Variants in PTGER3 observed in about 807,000 individuals in gnomAD.
PTGER3 encodes prostaglandin E2 receptor EP3 subtype.
Under a neutral mutation model 34.7 loss-of-function variants are expected in PTGER3, and 22 were observed. The observed-to-expected ratio is 0.63, with a 90% CI of 0.45 to 0.91. The LOEUF is 0.91. Among genes scored for constraint, PTGER3 ranks in the 40% least tolerant of loss-of-function variants. The pLI is 0.00. For synonymous variants in PTGER3, 241 were observed against 230.1 expected (o/e 1.05, Z -0.43); for missense variants, 468 against 519.4 (o/e 0.90, Z 0.96).
chr1:70,957,801 T>C (rs1301392087), intron 2 of PTGER3, among the ~76,000 whole-genome samples: 1 of 152,196 alleles, frequency 6.6e-6, no homozygotes, highest in Non-Finnish European at 1.5e-5. Flanking sequence ...TTATTCTTCC[T>C]GTATAATTTA....
chr1:70,942,958 C>T (rs953034898), intron 4 of PTGER3, among the ~76,000 whole-genome samples: 1 of 152,130 alleles, frequency 6.6e-6, no homozygotes, highest in African/African-American at 2.4e-5. Flanking sequence ...ATATACATTT[C>T]GATTAAGTCA....
chr1:70,901,686 T>C (rs1446858250), intron 4 of PTGER3, among the ~76,000 whole-genome samples: 2 of 152,130 alleles, frequency 1.3e-5, no homozygotes, highest in Non-Finnish European at 1.5e-5. Context: ...CTGAGACAGG[T>C]GTTCGCTTCA....
intron 2 of PTGER3, among the ~76,000 whole-genome samples, chr1:70,964,368 A>G (rs1652284997): frequency 2.0e-5 from 3 of 152,350 alleles, no homozygotes; most frequent in East Asian, 1.9e-4. Flanking sequence ...TGCTGCCAAC[A>G]AAAACATAGC....
downstream of PTGER3, among the ~76,000 whole-genome samples, chr1:70,948,767 A>G (rs146102613): frequency 2.5e-4 from 38 of 152,326 alleles, 1 homozygote; most frequent in African/African-American, 8.2e-4. Context: ...AAGAAAAATG[A>G]CAAGAGTCAT....
At chr1:71,040,481 T>C (rs529086144) in intron 1 of PTGER3, among the ~76,000 whole-genome samples, 4 of 151,814 alleles carry the variant, frequency 2.6e-5, no homozygotes, top group African/African-American at 7.2e-5. Flanking sequence ...TGGTGGTGCA[T>C]GCCTGTAACC....
At chr1:70,859,120 A>G (rs1463992532) in intron 4 of PTGER3, among the ~76,000 whole-genome samples, 1 of 152,126 alleles carries the variant, frequency 6.6e-6, no homozygotes, top group Non-Finnish European at 1.5e-5. Flanking sequence ...GCTGCTTCTC[A>G]CTGTCCCCCA....
chr1:70,910,580 G>T (rs1050358997), intron 4 of PTGER3, among the ~76,000 whole-genome samples: 1 of 152,018 alleles, frequency 6.6e-6, no homozygotes, highest in Admixed American at 6.6e-5. Context: ...AGCTTTGAAT[G>T]AATACCTTAA....
chr1:70,880,994 T>TA (rs1646380172), intron 4 of PTGER3, among the ~76,000 whole-genome samples: 1 of 152,230 alleles, frequency 6.6e-6, no homozygotes, highest in Non-Finnish European at 1.5e-5. Flanking sequence ...TAACCTCAAA[T>TA]ATGTTTTCCA....
intron 2 of PTGER3, among the ~76,000 whole-genome samples, chr1:70,996,123 T>G (rs1240392425): frequency 1.3e-5 from 2 of 152,194 alleles, no homozygotes; most frequent in Non-Finnish European, 2.9e-5. Context: ...CCTTGGAGTT[T>G]ACAGTGGCAC....
intron 2 of PTGER3, among the ~76,000 whole-genome samples, chr1:70,959,742 T>A (rs2100622746): frequency 6.6e-6 from 1 of 152,256 alleles, no homozygotes; most frequent in Middle Eastern, 3.4e-3. Flanking sequence ...TTTTATTCAA[T>A]TTTTTAAACA....
At chr1:71,024,715 T>G (rs1425872079) in intron 1 of PTGER3, among the ~76,000 whole-genome samples, 4 of 144,838 alleles carry the variant, frequency 2.8e-5, no homozygotes, top group African/African-American at 1.0e-4. Context: ...CCACCGTGCA[T>G]AGCTAATTTT....
intron 4 of PTGER3, among the ~76,000 whole-genome samples, chr1:70,896,443 TAA>T (rs1038948045): frequency 6.6e-6 from 1 of 152,054 alleles, no homozygotes; most frequent in African/African-American, 2.4e-5. Flanking sequence ...TACCAGAAGC[TAA>T]GAGAAGCATT....
At chr1:70,948,440 C>T (rs1467202750), downstream of PTGER3, among the ~76,000 whole-genome samples, 6 of 152,078 alleles carry the variant, frequency 3.9e-5, no homozygotes, top group East Asian at 9.6e-4. Flanking sequence ...TTCCCCAGCT[C>T]TGTGGAACTG....
chr1:70,899,203 TG>T (rs1244291812), intron 4 of PTGER3, among the ~76,000 whole-genome samples: 43 of 152,330 alleles, frequency 2.8e-4, no homozygotes, highest in Non-Finnish European at 4.4e-5. Flanking sequence ...ATTATGTTAC[TG>T]GGTGCTGGAG....
At chr1:70,923,022 A>G (rs1647700014) in intron 4 of PTGER3, among the ~76,000 whole-genome samples, 1 of 152,176 alleles carries the variant, frequency 6.6e-6, no homozygotes, top group African/African-American at 2.4e-5. Context: ...AAAGGCTTAT[A>G]AAAGGTTTAT....
chr1:70,923,920 CT>C (rs968467573), intron 4 of PTGER3, among the ~76,000 whole-genome samples: 34 of 152,280 alleles, frequency 2.2e-4, no homozygotes, highest in African/African-American at 7.9e-4. Context: ...TTTACCAAGG[CT>C]TTTACCTGAA....
intron 4 of PTGER3, among the ~76,000 whole-genome samples, chr1:70,882,025 G>A (rs1646401678): frequency 6.6e-6 from 1 of 152,042 alleles, no homozygotes; most frequent in Non-Finnish European, 1.5e-5. Flanking sequence ...GACAGAGGTG[G>A]AACCTGTGAA....
At chr1:70,943,665 C>T (rs1557673521) in intron 4 of PTGER3, among the ~76,000 whole-genome samples, 1 of 152,000 alleles carries the variant, frequency 6.6e-6, no homozygotes, top group East Asian at 1.9e-4. Flanking sequence ...TCACTAGATA[C>T]AAGTTTAACT....
intron 1 of PTGER3, among the ~76,000 whole-genome samples, chr1:71,020,925 T>C (rs977435726): frequency 6.6e-6 from 1 of 152,108 alleles, no homozygotes; most frequent in Non-Finnish European, 1.5e-5. Flanking sequence ...CGTCTCCAAC[T>C]AGCAGAGCAG....
Sources: allele counts gnomAD v4.1 joint callset (sites outside exome capture counted in the v4.1 genomes callset), GRCh38; gene constraint gnomAD v4.1.1; transcripts MANE v1.5; gene names NCBI Gene and HGNC (gene_info 2026-07-23, HGNC 2026-07-21).